The following SGCZ variants were observed in gnomAD, a reference collection of about 807,000 sequenced individuals.
The protein encoded by SGCZ is zeta-sarcoglycan.
In SGCZ, 40 loss-of-function variants were observed where a neutral mutation model predicts 41.3. That is an observed-to-expected ratio of 0.97 (90% CI 0.75 to 1.26). The LOEUF (loss-of-function observed/expected upper bound fraction) is 1.26. SGCZ is among the 50% of genes most tolerant of loss of function. The pLI is 0.00. For synonymous variants in SGCZ, 206 were observed against 137.5 expected, an observed-to-expected ratio of 1.50 and a Z score of -3.49; for missense variants, 552 against 369.8, an observed-to-expected ratio of 1.49 and a Z score of -4.04.
rs573364616 is a variant in SGCZ at position 14,087,764 on chromosome 8, T to C, written c.*2679A>G. ...GTTTGAATGTGGAAAACGAGGACAT[T>C]TGGGGCCATTCTTCTAAGCCTTCAC... is the stretch of plus-strand genomic sequence containing the variant. On this transcript the variant is annotated 3_prime_UTR_variant, in exon 8 of 8. Coordinates refer to ENST00000382080, the MANE Select transcript of SGCZ (RefSeq NM_139167.4). Among the ~76,000 whole-genome samples, 2 of 151,638 alleles carry C rather than the reference T, an allele frequency of 1.3e-5. No individual in the cohort carries two copies. The highest frequency in any genetic ancestry group is 2.4e-5 in the African/African-American group (1 of 41,364).
intron 2 of SGCZ, among the ~76,000 whole-genome samples, chr8:14,464,944 C>T (rs1042339112): frequency 4.6e-5 from 7 of 151,536 alleles, no homozygotes; most frequent in East Asian, 3.9e-4. Flanking sequence ...GGATAACACA[C>T]TTTTTATGGT....
chr8:14,863,841 C>G (rs555318494), intron 1 of SGCZ, among the ~76,000 whole-genome samples: 1 of 152,022 alleles, frequency 6.6e-6, no homozygotes, highest in African/African-American at 2.4e-5. Flanking sequence ...CACTAATATA[C>G]TCAGGGGGGC....
intron 1 of SGCZ, among the ~76,000 whole-genome samples, chr8:14,688,038 G>T (rs1228827260): frequency 6.6e-6 from 1 of 152,070 alleles, no homozygotes; most frequent in Non-Finnish European, 1.5e-5. Flanking sequence ...TTTTTGATGG[G>T]GTTGTTTGTT....
rs1385379721 is a variant in SGCZ at position 14,366,050 on chromosome 8, T to G, written c.235-41846A>C. ...ATAAACTTTGTACTTTCATGCATCT[T>G]GAGTTGGAAACTTTGATCATTTTTA... On this transcript the variant is annotated intron_variant, in intron 2 of 7. Transcript: ENST00000382080. Among the ~76,000 whole-genome samples the G allele has an allele frequency of 2.0e-5, 3 of 152,296 alleles. No individual in the cohort carries two copies. In the East Asian group the frequency reaches 5.8e-4, roughly 29 times the overall value.
chr8:14,858,963 T>C (rs1427940971), intron 1 of SGCZ, among the ~76,000 whole-genome samples: 5 of 152,180 alleles, frequency 3.3e-5, no homozygotes, highest in African/African-American at 1.2e-4. Flanking sequence ...TTTCCTTTGA[T>C]TATAGATTTA....
At chr8:15,044,643 G>T (rs573394863) in intron 1 of SGCZ, among the ~76,000 whole-genome samples, 1 of 152,192 alleles carries the variant, frequency 6.6e-6, no homozygotes, top group East Asian at 1.9e-4. Flanking sequence ...TGTTCACTGA[G>T]GATAGGTTAT....
At chr8:14,803,058 C>G (rs992484273) in intron 1 of SGCZ, among the ~76,000 whole-genome samples, 2 of 152,150 alleles carry the variant, frequency 1.3e-5, no homozygotes, top group Non-Finnish European at 2.9e-5. Context: ...TAAATTTATT[C>G]CTGTATTACT....
chr8:14,897,989 C>T (rs1274643996), intron 1 of SGCZ, among the ~76,000 whole-genome samples: 2 of 151,938 alleles, frequency 1.3e-5, no homozygotes, highest in Non-Finnish European at 2.9e-5. Context: ...TGAAGAAAGA[C>T]ATTTTAAAAT....
intron 1 of SGCZ, among the ~76,000 whole-genome samples, chr8:15,025,719 T>A (rs1035077280): frequency 6.6e-6 from 1 of 152,148 alleles, no homozygotes; most frequent in African/African-American, 2.4e-5. Context: ...GAGAGAAAAT[T>A]AGTCTTAGAG....
rs866453171 is a variant in SGCZ at position 14,230,267 on chromosome 8, G to C, written c.424+7325C>G. ...CAAAACAGACTCATTTCATACACAA[G>C]GCAACTAAATCCCAGAGACTTGGTC... On this transcript the variant is annotated intron_variant, in intron 4 of 7. Transcript: ENST00000382080. 3.0e-4 allele frequency among the ~76,000 whole-genome samples: 46 copies of C among 152,122 alleles called. 2 individuals are homozygous for C. The Middle Eastern group carries it at 0.024, about 79-fold the overall frequency.
At chr8:15,185,659 T>C (rs1585651538) in intron 1 of SGCZ, among the ~76,000 whole-genome samples, 1 of 152,270 alleles carries the variant, frequency 6.6e-6, no homozygotes, top group Admixed American at 6.5e-5. Flanking sequence ...CTTCGATCAC[T>C]GCCCCAAGTT....
chr8:14,849,708 C>T (rs369097179), intron 1 of SGCZ, among the ~76,000 whole-genome samples: 5 of 152,062 alleles, frequency 3.3e-5, no homozygotes, highest in African/African-American at 7.2e-5. Flanking sequence ...GCATAAGTTC[C>T]GTATCTTACA....
At chr8:15,137,123 G>A (rs1025491900) in intron 1 of SGCZ, among the ~76,000 whole-genome samples, 5 of 152,166 alleles carry the variant, frequency 3.3e-5, no homozygotes. Context: ...GTCTTAGAGG[G>A]AGATAAGGAA....
At position 14,603,487 on chromosome 8, in the gene SGCZ, T is replaced by A. The variant is rs188415016; in HGVS notation, c.40-48561A>T. On this transcript the variant is annotated intron_variant, in intron 1 of 7. Transcript: ENST00000382080. ...TTAAGATACCACCAAGAAGCTTAGG[T>A]ACCGAAAGATGTAAAAGAAAGAAAC... Among the ~76,000 whole-genome samples the A allele has an allele frequency of 1.7e-3, 264 of 151,796 alleles. 3 individuals carry two copies. Among genetic ancestry groups the A allele is most frequent in the Middle Eastern group, 0.01 (3 of 294 alleles).
At chr8:14,567,654 G>A (rs1006308730) in intron 1 of SGCZ, among the ~76,000 whole-genome samples, 1 of 152,124 alleles carries the variant, frequency 6.6e-6, no homozygotes, top group Non-Finnish European at 1.5e-5. Flanking sequence ...TGGAGGGTTT[G>A]TTCTTTCGCT....
In SGCZ at chr8:14,291,257, C is replaced by T. The variant is rs145100973; in HGVS notation, c.336+32846G>A. Among the ~76,000 whole-genome samples, 60 of 152,058 alleles carry T rather than the reference C, an allele frequency of 3.9e-4. 1 individual carries two copies. The highest frequency in any genetic ancestry group is 3.1e-3 in the East Asian group (16 of 5,172). Reference sequence around the variant, plus strand: ...TGCCTAGTAGGTTAAAGAGAGTTAACAATAATGTATTGTACATTTCAAAAT... The same window carrying T: ...TGCCTAGTAGGTTAAAGAGAGTTAATAATAATGTATTGTACATTTCAAAAT... On this transcript the variant is annotated intron_variant, in intron 3 of 7. Transcript: ENST00000382080.
At chr8:15,219,884 G>A (rs748286775) in intron 1 of SGCZ, among the ~76,000 whole-genome samples, 1 of 152,122 alleles carries the variant, frequency 6.6e-6, no homozygotes, top group Non-Finnish European at 1.5e-5. Context: ...GTAAAGCACT[G>A]TTTTTAGCTG....
At chr8:14,206,638 A>C (rs1429299823) in intron 4 of SGCZ, among the ~76,000 whole-genome samples, 1 of 152,162 alleles carries the variant, frequency 6.6e-6, no homozygotes, top group Admixed American at 6.5e-5. Flanking sequence ...TTATAGAACG[A>C]TGTTCACTAG....
chr8:14,913,980 TA>T (rs139561902), intron 1 of SGCZ, among the ~76,000 whole-genome samples: 29 of 151,106 alleles, frequency 1.9e-4, no homozygotes, highest in South Asian at 1.7e-3. Flanking sequence ...TGTAGCATAA[TA>T]AAAAAAAATT....
Sources: gnomAD v4.1 joint callset for allele counts (sites outside exome capture counted in the v4.1 genomes callset) on GRCh38, gnomAD v4.1.1 for gene constraint, MANE v1.5 for transcripts, NCBI Gene and HGNC (gene_info 2026-07-23, HGNC 2026-07-21) for gene names.